Variants in EIF4E3 observed in about 807,000 individuals in gnomAD.
The protein encoded by EIF4E3 is eukaryotic translation initiation factor 4E family member 3.
Under a neutral mutation model 31.7 loss-of-function variants are expected in EIF4E3, and 26 were observed. That is an observed-to-expected ratio of 0.82 (90% CI 0.60 to 1.14). The LOEUF is 1.14. Ranked by LOEUF, EIF4E3 falls within the 50% of genes most tolerant of loss-of-function variation. The pLI, the probability that EIF4E3 is intolerant of heterozygous loss-of-function variation, is 0.00. For synonymous variants in EIF4E3, 128 were observed against 107.7 expected (o/e 1.19, Z -1.17); for missense variants, 304 against 270.9 (o/e 1.12, Z -0.86).
rs557410552 is a variant in EIF4E3 at position 71,692,341 on chromosome 3, C to T, written c.472+1534G>A. On this transcript the variant is annotated intron_variant, in intron 5 of 6. Transcript: ENST00000425534. ...AGCTAATGGTTAATAGTTAATGGTG[C>T]GCTCATGTCCCAAGTCAACCACAAA... 9.9e-5 allele frequency among the ~76,000 whole-genome samples: 15 copies of T among 152,260 alleles called. No homozygotes were observed. In the South Asian group the frequency reaches 2.1e-3, roughly 21 times the overall value.
chr3:71,733,291 A>G (rs1209883798), intron 1 of EIF4E3, among the ~76,000 whole-genome samples: 1 of 152,216 alleles, frequency 6.6e-6, no homozygotes, highest in African/African-American at 2.4e-5. Flanking sequence ...CTATGAGCTG[A>G]TAACTGCTCG....
chr3:71,730,613 T>C (rs1056178016), intron 1 of EIF4E3, among the ~76,000 whole-genome samples: 5 of 152,312 alleles, frequency 3.3e-5, no homozygotes, highest in East Asian at 1.9e-4. Flanking sequence ...AATGTGGCCT[T>C]GAGGTTTGGT....
Position 71,710,413 on chromosome 3 carries a change from T to C in EIF4E3, c.248A>G (p.Gln83Arg), listed in dbSNP as rs2049358732. The change falls in exon 2 of 7, where the codon CAG becomes CGG. Residue 83 changes from glutamine (Q) to arginine (R), a missense_variant and splice_region_variant. Coordinates refer to ENST00000425534, the MANE Select transcript of EIF4E3 (RefSeq NM_001134651.2). Reference sequence around the variant, plus strand: ...AGTTAGTCCCTCTCTTGATCTTACCTGTACTGTCTGTACTGTGTAGATTTT... The same window carrying C: ...AGTTAGTCCCTCTCTTGATCTTACCCGTACTGTCTGTACTGTGTAGATTTT... ...LKKIYTVQTV[Q>R]IFWSVYNNIP... 6.4e-7 allele frequency: 1 copy of C among 1,552,074 alleles called. No individual in the cohort carries two copies. Among genetic ancestry groups the C allele is most frequent in the Non-Finnish European group, 8.7e-7 (1 of 1,147,040 alleles).
At chr3:71,700,856 G>A (rs1320740323) in intron 2 of EIF4E3, among the ~76,000 whole-genome samples, 1 of 152,160 alleles carries the variant, frequency 6.6e-6, no homozygotes, top group Admixed American at 6.5e-5. Flanking sequence ...AGATTCATAT[G>A]CTGAAACCCT....
the EIF4E3 span, among the ~76,000 whole-genome samples, chr3:71,665,756 A>G: frequency 6.6e-6 from 1 of 152,240 alleles, no homozygotes. Flanking sequence ...AGTCTCTCCG[A>G]CCACAGTGCA....
intron 1 of EIF4E3, among the ~76,000 whole-genome samples, chr3:71,748,101 T>C (rs1005439656): frequency 7.2e-5 from 11 of 152,194 alleles, no homozygotes; most frequent in Non-Finnish European, 1.6e-4. Flanking sequence ...CCGGCTTTTA[T>C]TTTTTCCAAA....
In EIF4E3 at chr3:71,696,379, T is replaced by C. The variant is rs540516657; in HGVS notation, c.405+81A>G. 27 of 1,530,644 alleles carry C rather than the reference T, an allele frequency of 1.8e-5. No homozygotes were observed. In the South Asian group the frequency reaches 3.1e-4, roughly 17 times the overall value. 94.8% of individuals were successfully genotyped at this position (1,530,644 alleles called of 1,614,324 possible). A position where few individuals can be genotyped will look rare whatever the true frequency, so the allele number is the denominator to read the frequency against. On this transcript the variant is annotated intron_variant, in intron 4 of 6. Transcript: ENST00000425534. ...GGGACTGCCAGGTAAATAGGCTATC[T>C]GCAAAGCACAAAATGCTGATGACAG...
At chr3:71,689,877 T>C in intron 6 of EIF4E3, 133 bp downstream of exon 6, 1 of 873,368 alleles carries the variant, frequency 1.1e-6, no homozygotes, top group Non-Finnish European at 1.6e-6. Flanking sequence ...AACTTAAATG[T>C]ATTTTGTTGA....
At chr3:71,688,651 T>C (rs895409347) in intron 6 of EIF4E3, among the ~76,000 whole-genome samples, 2 of 152,124 alleles carry the variant, frequency 1.3e-5, no homozygotes, top group Non-Finnish European at 2.9e-5. Context: ...TACACTTCCG[T>C]CTATAGAGTT....
chr3:71,681,913 A>C lies in EIF4E3; in HGVS notation c.*2769T>G, dbSNP rs1033751883. 3.9e-5 allele frequency: 6 copies of C among 152,186 alleles called. No homozygotes were observed. Among genetic ancestry groups the C allele is most frequent in the African/African-American group, 1.4e-4 (6 of 41,450 alleles). 9.4% of individuals were successfully genotyped at this position (152,186 alleles called of 1,614,324 possible). ...GGTTTCCTTTTCATGTTTTTGCTTC[A>C]TAAAGTGTACCACGAATCTAACAGC... is the stretch of plus-strand genomic sequence containing the variant. On this transcript the variant is annotated 3_prime_UTR_variant, in exon 7 of 7. Coordinates refer to ENST00000425534, the MANE Select transcript of EIF4E3 (RefSeq NM_001134651.2).
chr3:71,697,476 G>T (rs925621460), intron 3 of EIF4E3, among the ~76,000 whole-genome samples: 1 of 151,962 alleles, frequency 6.6e-6, no homozygotes, highest in Non-Finnish European at 1.5e-5. Context: ...ATAAATTATT[G>T]TTAACTATAG....
intron 4 of EIF4E3, among the ~76,000 whole-genome samples, chr3:71,695,011 G>A (rs915632050): frequency 2.0e-5 from 3 of 152,198 alleles, no homozygotes; most frequent in African/African-American, 7.2e-5. Flanking sequence ...CAGTCTCGCT[G>A]AATCTTTAAC....
In EIF4E3 at chr3:71,676,747, A is replaced by G. The variant is rs2048877715; in HGVS notation, c.*7935T>C. On this transcript the variant is annotated 3_prime_UTR_variant, in exon 7 of 7. Transcript: ENST00000425534. ...GTGGATTCCAAGATGTTTGTTTTCA[A>G]AAAAAAAAAAAAATTCTGAAAAACA... 1 of 148,172 alleles carries G rather than the reference A, an allele frequency of 6.7e-6. No homozygotes were observed. Among genetic ancestry groups the G allele is most frequent in the African/African-American group, 2.5e-5 (1 of 40,612 alleles). The allele number at this position is 148,172 out of a possible 1,614,324, so 9.2% of individuals were successfully genotyped here.
upstream of EIF4E3, among the ~76,000 whole-genome samples, chr3:71,727,187 A>G (rs1479973730): frequency 6.6e-6 from 1 of 152,224 alleles, no homozygotes; most frequent in Non-Finnish European, 1.5e-5. Flanking sequence ...TGTGAATAGT[A>G]GGTCTCCCTC....
the EIF4E3 span, among the ~76,000 whole-genome samples, chr3:71,669,579 G>A: frequency 6.6e-6 from 1 of 152,052 alleles, no homozygotes; most frequent in Non-Finnish European, 1.5e-5. Context: ...ATTGAGATTT[G>A]TTAGAAGGGG....
downstream of EIF4E3, among the ~76,000 whole-genome samples, chr3:71,674,722 C>T (rs2048863656): frequency 6.6e-6 from 1 of 152,160 alleles, no homozygotes; most frequent in South Asian, 2.1e-4. Flanking sequence ...AGTTCATTCT[C>T]TTCACTGTAT....
intron 2 of EIF4E3, among the ~76,000 whole-genome samples, chr3:71,701,077 C>T (rs529944047): frequency 1.3e-5 from 2 of 152,304 alleles, no homozygotes; most frequent in South Asian, 4.2e-4. Flanking sequence ...ACCCTCATCT[C>T]AGACTTCCAG....
At chr3:71,707,868 ATTCT>A (rs973661728) in intron 2 of EIF4E3, among the ~76,000 whole-genome samples, 3 of 141,244 alleles carry the variant, frequency 2.1e-5, no homozygotes, top group African/African-American at 5.6e-5. Context: ...CTTCTAATTC[ATTCT>A]TTTTTTTTTT....
chr3:71,731,693 C>T (rs1256420220), intron 1 of EIF4E3, among the ~76,000 whole-genome samples: 1 of 152,184 alleles, frequency 6.6e-6, no homozygotes, highest in Non-Finnish European at 1.5e-5. Context: ...TTGTCTTTCT[C>T]CTCTGCCAGT....
Sources: allele counts gnomAD v4.1 joint callset (sites outside exome capture counted in the v4.1 genomes callset), GRCh38; gene constraint gnomAD v4.1.1; transcripts MANE v1.5; gene names NCBI Gene and HGNC (gene_info 2026-07-23, HGNC 2026-07-21).